Variants in BNC2 observed in about 807,000 individuals in gnomAD.
BNC2 encodes the protein basonuclin zinc finger protein 2.
In BNC2, 20 loss-of-function variants were observed where a neutral mutation model predicts 76.3. The ratio of observed to expected loss-of-function variants is 0.26; its 90% CI spans 0.18 to 0.38. BNC2 has a LOEUF of 0.38. BNC2 is among the 10% of genes least tolerant of loss of function. BNC2 has a pLI of 1.00. For missense variants in BNC2, 1,382 were observed against 1,399.8 expected (o/e 0.99, Z 0.20); for synonymous variants, 582 against 514.8 (o/e 1.13, Z -1.77).
chr9:16,848,087 G>A (rs1819032443), intron 1 of BNC2, among the ~76,000 whole-genome samples: 1 of 152,096 alleles, frequency 6.6e-6, no homozygotes. Flanking sequence ...ATTCTAATTA[G>A]GAAACATCCA....
chr9:16,858,938 G>T (rs1368913094), intron 1 of BNC2, among the ~76,000 whole-genome samples: 1 of 151,860 alleles, frequency 6.6e-6, no homozygotes, highest in Non-Finnish European at 1.5e-5. Flanking sequence ...TAGAAAGTGA[G>T]AAAAAATGTG....
At chr9:16,646,228 C>T (rs1403629219) in intron 3 of BNC2, among the ~76,000 whole-genome samples, 1 of 152,152 alleles carries the variant, frequency 6.6e-6, no homozygotes, top group African/African-American at 2.4e-5. Flanking sequence ...GGGCATTCAG[C>T]CCACAGCTGG....
chr9:16,481,502 C>G (rs1301054051), intron 5 of BNC2, among the ~76,000 whole-genome samples: 1 of 152,096 alleles, frequency 6.6e-6, no homozygotes, highest in Non-Finnish European at 1.5e-5. Context: ...CCAAACACAT[C>G]CGAACATCAG....
chr9:16,688,853 C>T (rs1476423391), intron 3 of BNC2, among the ~76,000 whole-genome samples: 1 of 152,030 alleles, frequency 6.6e-6, no homozygotes, highest in Non-Finnish European at 1.5e-5. Context: ...ATCCCCAGGG[C>T]AAGTGGAGGC....
chr9:16,789,157 A>C (rs573392950), intron 1 of BNC2, among the ~76,000 whole-genome samples: 30 of 152,312 alleles, frequency 2.0e-4, no homozygotes, highest in African/African-American at 7.2e-4. Context: ...GTCCATTTAC[A>C]TGATATTTTG....
chr9:16,788,537 A>G (rs1826373420), intron 1 of BNC2, among the ~76,000 whole-genome samples: 1 of 147,532 alleles, frequency 6.8e-6, no homozygotes, highest in South Asian at 2.2e-4. Flanking sequence ...TGGGCGACAG[A>G]GCAACACTCC....
intron 5 of BNC2, among the ~76,000 whole-genome samples, chr9:16,463,868 G>C (rs1192644196): frequency 2.0e-5 from 3 of 151,948 alleles, no homozygotes; most frequent in Non-Finnish European, 4.4e-5. Flanking sequence ...GGCCAAGGCA[G>C]GCAGATCACT....
At chr9:16,776,242 G>C (rs1033922866) in intron 1 of BNC2, among the ~76,000 whole-genome samples, 1 of 152,076 alleles carries the variant, frequency 6.6e-6, no homozygotes, top group Non-Finnish European at 1.5e-5. Flanking sequence ...CTGGGTTCAA[G>C]CGATTCTCCT....
chr9:16,863,899 G>C (rs779957597), intron 1 of BNC2, among the ~76,000 whole-genome samples: 1 of 152,084 alleles, frequency 6.6e-6, no homozygotes, highest in Non-Finnish European at 1.5e-5. Flanking sequence ...TTTACCCTCA[G>C]TAAAAACGGT....
chr9:16,842,180 T>G lies in BNC2; in HGVS notation c.3+28466A>C, dbSNP rs186699282. Among the ~76,000 whole-genome samples, 194 of 152,336 alleles carry G rather than the reference T, an allele frequency of 1.3e-3. 4 individuals carry two copies. The South Asian group carries it at 0.024, about 19-fold the overall frequency. On this transcript the variant is annotated intron_variant, in intron 1 of 6. Transcript: ENST00000380672. ...CTTTGCCTTATGTTATTTTAACATA[T>G]GAACCTCCACTATGATTTTTAGTAT...
chr9:16,743,955 A>AGTTTGTTTGTTTGTTT (rs111863200), intron 1 of BNC2, among the ~76,000 whole-genome samples: 87 of 150,724 alleles, frequency 5.8e-4, no homozygotes, highest in Middle Eastern at 3.4e-3. Flanking sequence ...TACAGACTGC[A>AGTTTGTTTGTTTGTTT]GTTTGTTTGT....
chr9:16,751,618 G>GTATA (rs147548138), intron 1 of BNC2, among the ~76,000 whole-genome samples: 10,103 of 73,070 alleles, frequency 0.14, 1,060 homozygotes, highest in African/African-American at 0.31. Context: ...ATATATATGT[G>GTATA]TATATATATA....
intron 1 of BNC2, among the ~76,000 whole-genome samples, chr9:16,772,553 T>C (rs1825859576): frequency 6.6e-6 from 1 of 152,152 alleles, no homozygotes; most frequent in African/African-American, 2.4e-5. Context: ...TGATACTATA[T>C]GAAGTTGGCT....
intron 1 of BNC2, among the ~76,000 whole-genome samples, chr9:16,753,575 A>G (rs2135304106): frequency 6.6e-6 from 1 of 152,332 alleles, no homozygotes; most frequent in East Asian, 1.9e-4. Context: ...TTGTATGGCA[A>G]GGGGTAAACA....
rs1375618149 is a variant in BNC2, at chr9:16,410,412, T to C, written c.*8577A>G. The stretch of plus-strand genomic sequence containing the variant: ...AAGTCTTCTCCCCATTTCTCGACCG[T>C]CCTCACCCCTCTGACCTTCATGTAC... On this transcript the variant is annotated 3_prime_UTR_variant, in exon 7 of 7. Transcript: ENST00000380672. 1 of 152,660 alleles carries C rather than the reference T, an allele frequency of 6.6e-6. No individual in the cohort carries two copies. The highest frequency in any genetic ancestry group is 1.5e-5 in the Non-Finnish European group (1 of 68,108). 9.5% of individuals were successfully genotyped at this position (152,660 alleles called of 1,614,324 possible). A position where few individuals can be genotyped will look rare whatever the true frequency, so the allele number is the denominator to read the frequency against.
chr9:16,856,370 G>C (rs1819258609), intron 1 of BNC2, among the ~76,000 whole-genome samples: 1 of 152,010 alleles, frequency 6.6e-6, no homozygotes, highest in East Asian at 1.9e-4. Flanking sequence ...ACTGGTTGCT[G>C]TTTACAGACA....
intron 1 of BNC2, among the ~76,000 whole-genome samples, chr9:16,822,171 G>A (rs940295138): frequency 6.6e-5 from 10 of 151,620 alleles, no homozygotes; most frequent in Non-Finnish European, 1.2e-4. Flanking sequence ...AGCTGAGGCA[G>A]GAGAATTGTT....
chr9:16,839,044 T>C (rs955225597), intron 1 of BNC2, among the ~76,000 whole-genome samples: 3 of 152,216 alleles, frequency 2.0e-5, no homozygotes, highest in African/African-American at 7.2e-5. Flanking sequence ...AAGTTAGCTC[T>C]TAATAATTCC....
intron 3 of BNC2, among the ~76,000 whole-genome samples, chr9:16,615,783 G>A (rs540701371): frequency 4.6e-5 from 7 of 152,192 alleles, no homozygotes; most frequent in African/African-American, 1.7e-4. Context: ...TTAGACGAGT[G>A]GAAGGAAAAT....
Sources: gnomAD v4.1 joint callset for allele counts (sites outside exome capture counted in the v4.1 genomes callset) on GRCh38, gnomAD v4.1.1 for gene constraint, MANE v1.5 for transcripts, NCBI Gene and HGNC (gene_info 2026-07-23, HGNC 2026-07-21) for gene names.